The following GLIS3 variants were observed in gnomAD, a reference collection of about 807,000 sequenced individuals.
The protein encoded by GLIS3 is zinc finger protein GLIS3.
Under a neutral mutation model 78.6 loss-of-function variants are expected in GLIS3, and 53 were observed. That is an observed-to-expected ratio of 0.67 (90% CI 0.54 to 0.85). The LOEUF is 0.85. GLIS3 is among the 40% of genes least tolerant of loss of function. The pLI is 0.00. For missense variants in GLIS3, 1,703 were observed against 1,231.1 expected, an observed-to-expected ratio of 1.38 and a Z score of -5.74; for synonymous variants, 684 against 509.9, an observed-to-expected ratio of 1.34 and a Z score of -4.60.
chr9:4,170,434 A>G lies in GLIS3; in HGVS notation c.389-44493T>C, dbSNP rs1298494027. On this transcript the variant is annotated intron_variant, in intron 2 of 10. Transcript: ENST00000381971. ...TTCCAAAACCACACATGAGTCAGCA[A>G]CTAAGACATGGCACACGGTGTTAGA... 2.0e-5 allele frequency among the ~76,000 whole-genome samples: 3 copies of G among 152,138 alleles called. No homozygotes were observed. The East Asian group carries it at 5.8e-4, about 29-fold the overall frequency.
At chr9:4,075,441 T>C (rs1019249388) in intron 4 of GLIS3, among the ~76,000 whole-genome samples, 3 of 137,052 alleles carry the variant, frequency 2.2e-5, no homozygotes, top group Non-Finnish European at 4.7e-5. Context: ...CTGGGCATAG[T>C]GGCGGGTGCC....
chr9:4,107,741 C>A (rs1181540629), intron 4 of GLIS3, among the ~76,000 whole-genome samples: 2 of 146,100 alleles, frequency 1.4e-5, no homozygotes, highest in Non-Finnish European at 1.5e-5. Flanking sequence ...ATCAGAAGAA[C>A]ACAGGTTACC....
intron 8 of GLIS3, chr9:3,878,571 T>G (rs1193128853): frequency 6.6e-6 from 1 of 152,196 alleles, no homozygotes; most frequent in East Asian, 1.9e-4. Context: ...TGCTGCCTAT[T>G]CAACCCATTA....
intron 2 of GLIS3, among the ~76,000 whole-genome samples, chr9:4,281,690 A>G (rs1827568255): frequency 6.6e-6 from 1 of 152,214 alleles, no homozygotes; most frequent in African/African-American, 2.4e-5. Flanking sequence ...TTTGGCTATC[A>G]TAAATAATGC....
At chr9:3,829,078 A>G (rs1817887309) in intron 10 of GLIS3, among the ~76,000 whole-genome samples, 1 of 152,108 alleles carries the variant, frequency 6.6e-6, no homozygotes, top group Non-Finnish European at 1.5e-5. Flanking sequence ...CTGGAAGGTT[A>G]TGGCCATAGT....
chr9:4,053,623 G>A (rs1235058001), intron 4 of GLIS3, among the ~76,000 whole-genome samples: 1 of 141,754 alleles, frequency 7.1e-6, no homozygotes, highest in Non-Finnish European at 1.5e-5. Flanking sequence ...ATGTCTCAAT[G>A]GTGCTCAAGG....
intron 4 of GLIS3, among the ~76,000 whole-genome samples, chr9:4,023,323 G>C (rs1160748403): frequency 1.3e-5 from 2 of 152,092 alleles, no homozygotes; most frequent in South Asian, 2.1e-4. Flanking sequence ...GGCAGGGAAA[G>C]TATTCAGAAA....
intron 2 of GLIS3, among the ~76,000 whole-genome samples, chr9:4,282,950 G>A (rs1827683414): frequency 6.6e-6 from 1 of 151,848 alleles, no homozygotes; most frequent in African/African-American, 2.4e-5. Context: ...ACTGTTTTCT[G>A]TACCCCTACC....
chr9:4,238,202 G>A lies in GLIS3; in HGVS notation c.388+47836C>T, dbSNP rs202215737. On this transcript the variant is annotated intron_variant, in intron 2 of 10. Transcript: ENST00000381971. The stretch of plus-strand genomic sequence containing the variant: ...CCTCCCGCTGCGCAAAGAGCTTCCT[G>A]AGAGACCGAAACAATGTGGCTAAAA... Among the ~76,000 whole-genome samples, 4 of 152,260 alleles carry A rather than the reference G, an allele frequency of 2.6e-5. No homozygotes were observed. The East Asian group carries it at 5.8e-4, about 22-fold the overall frequency.
rs1817749910 is a variant in GLIS3, at chr9:3,826,796, C to A, written c.*1476G>T. 1 of 152,168 alleles carries A rather than the reference C, an allele frequency of 6.6e-6. No individual in the cohort carries two copies. Among genetic ancestry groups the A allele is most frequent in the Non-Finnish European group, 1.5e-5 (1 of 68,014 alleles). The allele number at this position is 152,168 out of a possible 1,614,324, so 9.4% of individuals were successfully genotyped here. On this transcript the variant is annotated 3_prime_UTR_variant, in exon 11 of 11. Coordinates refer to ENST00000381971, the MANE Select transcript of GLIS3 (RefSeq NM_001042413.2). ...CTCAGTTTGATAAATGGCATTGTTTCACTTTTGTTCAGAAAAACATTTTTA... is the reference window on the plus strand; with the variant it reads ...CTCAGTTTGATAAATGGCATTGTTTAACTTTTGTTCAGAAAAACATTTTTA...
At chr9:4,338,332 T>C (rs923739644) in intron 2 of GLIS3, among the ~76,000 whole-genome samples, 2 of 151,548 alleles carry the variant, frequency 1.3e-5, no homozygotes, top group African/African-American at 4.9e-5. Flanking sequence ...TACGTATATA[T>C]AGAGAGATAG....
chr9:3,862,784 C>A (rs1027802833), intron 8 of GLIS3, among the ~76,000 whole-genome samples: 3 of 152,112 alleles, frequency 2.0e-5, no homozygotes, highest in Non-Finnish European at 4.4e-5. Context: ...ACGGCGGCTA[C>A]AGACCTCCCA....
rs71497518 is a variant in GLIS3, at chr9:4,125,633, A to AGTGTGTGT, written c.596+93_596+100dup. 3,208 of 771,590 alleles carry AGTGTGTGT rather than the reference A, an allele frequency of 4.2e-3. 5 individuals are homozygous for AGTGTGTGT. Among genetic ancestry groups the AGTGTGTGT allele is most frequent in the Middle Eastern group, 0.013 (36 of 2,766 alleles). 47.8% of individuals were successfully genotyped at this position (771,590 alleles called of 1,614,324 possible). A position where few individuals can be genotyped will look rare whatever the true frequency, so the allele number is the denominator to read the frequency against. On this transcript the variant is annotated intron_variant, in intron 3 of 10. Transcript: ENST00000381971. Reference sequence around the variant, plus strand: ...AGTTGCTTGAGTGTGTAAGTGTATGAGTGTGTGTGTGTGTGTGTGTGTATT... The same window carrying AGTGTGTGT: ...AGTTGCTTGAGTGTGTAAGTGTATGAGTGTGTGTGTGTGTGTGTGTGTGTGTGTGTATT...
chr9:4,267,991 A>G lies in GLIS3; in HGVS notation c.388+18047T>C, dbSNP rs969773423. Among the ~76,000 whole-genome samples, 5 of 151,764 alleles carry G rather than the reference A, an allele frequency of 3.3e-5. No individual in the cohort carries two copies. In the South Asian group the frequency reaches 8.3e-4, roughly 25 times the overall value. ...TGTGTGTGTGTATGTGCATGTGTATATATATGTGTGTGAATATATACATAG... is the reference window on the plus strand; with the variant it reads ...TGTGTGTGTGTATGTGCATGTGTATGTATATGTGTGTGAATATATACATAG... On this transcript the variant is annotated intron_variant, in intron 2 of 10. Transcript: ENST00000381971.
intron 2 of GLIS3, among the ~76,000 whole-genome samples, chr9:4,153,727 C>T (rs1345801350): frequency 1.3e-5 from 2 of 152,180 alleles, no homozygotes; most frequent in Non-Finnish European, 2.9e-5. Context: ...AGTGGGTCAA[C>T]AGTTTATTAT....
rs566410546 is a variant in GLIS3 at position 4,201,180 on chromosome 9, T to C, written c.389-75239A>G. 8.4e-4 allele frequency among the ~76,000 whole-genome samples: 128 copies of C among 152,238 alleles called. 1 individual carries two copies. Among genetic ancestry groups the C allele is most frequent in the Non-Finnish European group, 1.5e-3 (99 of 68,016 alleles). On this transcript the variant is annotated intron_variant, in intron 2 of 10. Coordinates refer to ENST00000381971, the MANE Select transcript of GLIS3 (RefSeq NM_001042413.2). ...CAAGAAACTAGGCATCAAAGGAACATACCTCAAAATAATCAGATCATCTAT... is the reference window on the plus strand; with the variant it reads ...CAAGAAACTAGGCATCAAAGGAACACACCTCAAAATAATCAGATCATCTAT...
chr9:4,266,986 C>A (rs527942627), intron 2 of GLIS3, among the ~76,000 whole-genome samples: 49 of 152,146 alleles, frequency 3.2e-4, no homozygotes, highest in Non-Finnish European at 6.8e-4. Context: ...TATGGAAATA[C>A]TTCATAGACT....
chr9:4,481,052 T>C, the GLIS3 span, among the ~76,000 whole-genome samples: 1 of 152,142 alleles, frequency 6.6e-6, no homozygotes, highest in Non-Finnish European at 1.5e-5. Flanking sequence ...GACAGGGTTT[T>C]TCCATGTTGC....
intron 4 of GLIS3, among the ~76,000 whole-genome samples, chr9:4,070,526 G>A (rs967541577): frequency 2.6e-5 from 4 of 152,094 alleles, no homozygotes; most frequent in Non-Finnish European, 4.4e-5. Context: ...GTGCGTGTGC[G>A]TAAGTATTTG....
Sources: gnomAD v4.1 joint callset for allele counts (sites outside exome capture counted in the v4.1 genomes callset) on GRCh38, gnomAD v4.1.1 for gene constraint, MANE v1.5 for transcripts, NCBI Gene and HGNC (gene_info 2026-07-23, HGNC 2026-07-21) for gene names.